SMG1: variants seen among roughly 807,000 people sequenced by gnomAD.
The protein encoded by SMG1 is SMG1 nonsense mediated mRNA decay associated PI3K related kinase.
Under a neutral mutation model 419.9 loss-of-function variants are expected in SMG1, and 22 were observed. The observed-to-expected ratio is 0.05, with a 90% confidence interval of 0.04 to 0.07. The LOEUF is 0.07. SMG1 is among the 10% of genes least tolerant of loss of function. The pLI is 1.00. For synonymous variants in SMG1, 1,538 were observed against 1,553.5 expected (o/e 0.99, Z 0.23); for missense variants, 3,185 against 4,342.0 (o/e 0.73, Z 7.49).
chr16:18,874,865 T>A (rs1309227462), intron 13 of SMG1, among the ~76,000 whole-genome samples: 2 of 21,566 alleles, frequency 9.3e-5, no homozygotes, highest in Non-Finnish European at 7.8e-5. Context: ...TGACTCTGTC[T>A]CAAAAAAAAA....
At chr16:18,837,514 C>G in intron 45 of SMG1, 71 bp from the exon 46 acceptor site, 3 of 1,291,022 alleles carry the variant, frequency 2.3e-6, no homozygotes, top group Middle Eastern at 1.9e-4. Context: ...GTCAGAAGAA[C>G]ATTTTGCACA....
intron 13 of SMG1, among the ~76,000 whole-genome samples, chr16:18,873,669 C>G (rs889016455): frequency 6.6e-6 from 1 of 152,220 alleles, no homozygotes; most frequent in African/African-American, 2.4e-5. Context: ...GTTTGCCGAT[C>G]TCTGGTCTAA....
chr16:18,906,420 T>C (rs1401050931), intron 1 of SMG1, among the ~76,000 whole-genome samples: 2 of 150,352 alleles, frequency 1.3e-5, no homozygotes, highest in Non-Finnish European at 3.0e-5. Context: ...GAGGTGGAGG[T>C]TGCAGTGAGC....
rs183052041 is a variant in SMG1 at position 18,853,142 on chromosome 16, C to T, written c.4768+441G>A. Reference sequence around the variant, plus strand: ...AACAGGGGAATTATGCCTTCCACAACAGGCACTCAAACATGGACAGAATCA... The same window carrying T: ...AACAGGGGAATTATGCCTTCCACAATAGGCACTCAAACATGGACAGAATCA... On this transcript the variant is annotated intron_variant, in intron 31 of 62. Coordinates refer to ENST00000446231, the MANE Select transcript of SMG1 (RefSeq NM_015092.5). 2.6e-5 allele frequency among the ~76,000 whole-genome samples: 4 copies of T among 152,346 alleles called. No individual in the cohort carries two copies. In the East Asian group the frequency reaches 7.7e-4, roughly 29 times the overall value.
At chr16:18,858,678 G>C (rs1466324638) in intron 28 of SMG1, 1 of 220,878 alleles carries the variant, frequency 4.5e-6, no homozygotes. Flanking sequence ...ATCTCTGGTT[G>C]AACTTTACCC....
Position 18,882,322 on chromosome 16 carries a change from G to A in SMG1, c.1136C>T (p.Ala379Val). ...ATCTTCATCCACTGATTCCCCAGAG[G>A]CCACATGGCTGAGGTCCTAGATGTG... ...EAYAEDLSHV[A>V]SGESVDEDVP... The change falls in exon 10 of 63, where the codon GCC becomes GTC. Residue 379 changes from alanine to valine, a missense_variant. Ala to Val is a moderately conservative substitution (Grantham distance 64). This residue lies in a region of SMG1 where 52 missense variants were observed against 69.0 expected (regional missense o/e 0.75). Transcript: ENST00000446231. 6.2e-7 allele frequency: 1 copy of A among 1,606,486 alleles called. No homozygotes were observed. The highest frequency in any genetic ancestry group is 1.1e-5 in the South Asian group (1 of 90,392).
At chr16:18,875,917 T>C (rs2036105791) in intron 13 of SMG1, 1 of 569,384 alleles carries the variant, frequency 1.8e-6, no homozygotes, top group African/African-American at 1.9e-5. Context: ...TATCAAGATT[T>C]GTCAAGGAAA....
intron 1 of SMG1, chr16:18,900,026 T>G (rs2037285263): frequency 6.5e-7 from 1 of 1,530,066 alleles, no homozygotes; most frequent in Non-Finnish European, 8.7e-7. Context: ...GCCTTTGTGA[T>G]GTTTTGCATC....
At chr16:18,830,464 G>T in intron 51 of SMG1, 95 bp from the exon 52 acceptor site, 2 of 1,369,646 alleles carry the variant, frequency 1.5e-6, no homozygotes, top group Non-Finnish European at 2.0e-6. Context: ...TGCATGCTGT[G>T]AGAGTCTAGA....
At chr16:18,848,054 A>C in intron 36 of SMG1, 21 bp from the exon 37 acceptor site, 1 of 1,590,388 alleles carries the variant, frequency 6.3e-7, no homozygotes, top group Non-Finnish European at 8.6e-7. Context: ...ATAGGAGAAC[A>C]AGGAATATTT....
intron 13 of SMG1, among the ~76,000 whole-genome samples, chr16:18,872,912 G>A (rs944560221): frequency 3.3e-5 from 5 of 152,208 alleles, no homozygotes; most frequent in African/African-American, 1.2e-4. Context: ...CTAGCACTTT[G>A]GGAGGGTAAG....
intron 1 of SMG1, among the ~76,000 whole-genome samples, chr16:18,908,866 C>G (rs956914060): frequency 2.7e-5 from 4 of 149,892 alleles, no homozygotes; most frequent in Non-Finnish European, 1.5e-5. Context: ...GGTGACACAG[C>G]GAGACTCCGC....
intron 29 of SMG1, chr16:18,857,441 T>A (rs1000613294): frequency 2.0e-5 from 3 of 152,248 alleles, no homozygotes; most frequent in Non-Finnish European, 4.4e-5. Context: ...AAGTCTTATG[T>A]CTTCATTAAA....
At chr16:18,881,681 G>A (rs1338626812) in intron 10 of SMG1, among the ~76,000 whole-genome samples, 2 of 152,082 alleles carry the variant, frequency 1.3e-5, no homozygotes, top group Non-Finnish European at 2.9e-5. Context: ...CTGCTGAAGT[G>A]TGGCAAGCTA....
chr16:18,887,663 CTTTT>C (rs1461720039), intron 6 of SMG1, among the ~76,000 whole-genome samples: 1 of 88,810 alleles, frequency 1.1e-5, no homozygotes, highest in East Asian at 3.1e-4. Context: ...TAAAAATACA[CTTTT>C]TATTTAAAAA....
intron 1 of SMG1, among the ~76,000 whole-genome samples, chr16:18,904,783 A>C (rs2037494024): frequency 6.6e-6 from 1 of 151,766 alleles, no homozygotes; most frequent in African/African-American, 2.4e-5. Context: ...AAAAATACAA[A>C]TATCAGCCAG....
intron 13 of SMG1, 176 bp downstream of exon 13, chr16:18,875,948 A>G: frequency 1.2e-5 from 8 of 658,474 alleles, no homozygotes; most frequent in South Asian, 4.4e-5. Context: ...AAAGTTAAAT[A>G]TAATGCCAAG....
intron 3 of SMG1, among the ~76,000 whole-genome samples, chr16:18,894,866 G>A (rs2037048372): frequency 6.6e-6 from 1 of 152,002 alleles, no homozygotes; most frequent in Non-Finnish European, 1.5e-5. Context: ...CGCCCAGGCT[G>A]GGGTGCAGTG....
chr16:18,906,425 G>A (rs1203267652), intron 1 of SMG1, among the ~76,000 whole-genome samples: 3 of 152,100 alleles, frequency 2.0e-5, no homozygotes, highest in Non-Finnish European at 2.9e-5. Flanking sequence ...GGAGGTTGCA[G>A]TGAGCCAAGA....
Sources: allele counts gnomAD v4.1 joint callset (sites outside exome capture counted in the v4.1 genomes callset), GRCh38; gene constraint gnomAD v4.1.1; regional missense constraint gnomAD v4.1.1; transcripts MANE v1.5; gene names NCBI Gene and HGNC (gene_info 2026-07-23, HGNC 2026-07-21).